CFAP95: variants seen among roughly 807,000 people sequenced by gnomAD.
CFAP95 encodes cilia- and flagella-associated protein 95.
the CFAP95 span, among the ~76,000 whole-genome samples, chr9:69,900,410 G>A: frequency 3.3e-5 from 5 of 152,208 alleles, no homozygotes; most frequent in Non-Finnish European, 5.9e-5. Context: ...AGGGTTTTAC[G>A]TGTGGTATTT....
At chr9:69,863,059 T>C in the CFAP95 span, among the ~76,000 whole-genome samples, 10 of 152,224 alleles carry the variant, frequency 6.6e-5, no homozygotes, top group Non-Finnish European at 1.5e-4. Flanking sequence ...GATGACACTA[T>C]AGTGATATCA....
chr9:69,832,025 T>G, the CFAP95 span, among the ~76,000 whole-genome samples: 1 of 152,182 alleles, frequency 6.6e-6, no homozygotes, highest in African/African-American at 2.4e-5. Context: ...ACACATTAAG[T>G]TTAGTTAGTT....
the CFAP95 span, among the ~76,000 whole-genome samples, chr9:69,870,249 A>G: frequency 6.6e-6 from 1 of 152,236 alleles, no homozygotes; most frequent in Non-Finnish European, 1.5e-5. Context: ...CACCGGGAAT[A>G]TAGAAAAAAA....
chr9:69,826,840 A>C, the CFAP95 span, among the ~76,000 whole-genome samples: 626 of 152,338 alleles, frequency 4.1e-3, 3 homozygotes, highest in Non-Finnish European at 3.9e-3. Flanking sequence ...ATGAGCAGGC[A>C]GAAAGAATAA....
chr9:69,879,479 C>CG, the CFAP95 span, among the ~76,000 whole-genome samples: 573 of 151,944 alleles, frequency 3.8e-3, 6 homozygotes, highest in African/African-American at 0.011. Flanking sequence ...TCAGGAGGTT[C>CG]GGGGGGAAAA....
chr9:69,844,561 G>T, the CFAP95 span: 1 of 1,613,018 alleles, frequency 6.2e-7, no homozygotes, highest in Non-Finnish European at 8.5e-7. Context: ...GATATAGAGG[G>T]TCCTGAGAAA....
the CFAP95 span, among the ~76,000 whole-genome samples, chr9:69,858,536 A>C: frequency 6.6e-6 from 1 of 152,176 alleles, no homozygotes; most frequent in South Asian, 2.1e-4. Flanking sequence ...TTTCAGAGAA[A>C]ACACATGTGT....
chr9:69,906,151 A>G, the CFAP95 span: 6 of 1,578,714 alleles, frequency 3.8e-6, no homozygotes, highest in Middle Eastern at 1.7e-4. Context: ...AATGTATAGA[A>G]TCAGCATCTC....
At chr9:69,893,998 G>A in the CFAP95 span, among the ~76,000 whole-genome samples, 1 of 152,146 alleles carries the variant, frequency 6.6e-6, no homozygotes, top group East Asian at 1.9e-4. Context: ...AATTGGAGAG[G>A]AGGGAAGGGT....
the CFAP95 span, among the ~76,000 whole-genome samples, chr9:69,862,771 C>T: frequency 0.23 from 35,330 of 152,130 alleles, 4,745 homozygotes; most frequent in Non-Finnish European, 0.29. Context: ...TACACAGAAA[C>T]GGCATTTGAC....
chr9:69,875,571 A>T, the CFAP95 span, among the ~76,000 whole-genome samples: 493 of 152,272 alleles, frequency 3.2e-3, 5 homozygotes, highest in African/African-American at 0.011. Flanking sequence ...GATACCCAAA[A>T]GCTGACCTGC....
At chr9:69,828,597 C>T in the CFAP95 span, among the ~76,000 whole-genome samples, 7 of 152,218 alleles carry the variant, frequency 4.6e-5, no homozygotes, top group South Asian at 2.1e-4. Context: ...GCGAGAGGAT[C>T]GCTGGAGCAT....
chr9:69,823,308 A>ACC, the CFAP95 span, among the ~76,000 whole-genome samples: 12 of 152,226 alleles, frequency 7.9e-5, no homozygotes, highest in Non-Finnish European at 1.8e-4. Context: ...CTCCCTTGAC[A>ACC]CATGGGGACT....
the CFAP95 span, chr9:69,886,687 C>T: frequency 5.1e-6 from 3 of 584,836 alleles, no homozygotes; most frequent in Admixed American, 9.0e-5. Context: ...ATACTATATA[C>T]AGAGGCTGGG....
chr9:69,857,886 A>G, the CFAP95 span: 1 of 1,607,344 alleles, frequency 6.2e-7, no homozygotes, highest in South Asian at 1.1e-5. Context: ...CAAGTTTTCT[A>G]AAAAAATGTT....
At chr9:69,851,259 C>T in the CFAP95 span, among the ~76,000 whole-genome samples, 1 of 152,090 alleles carries the variant, frequency 6.6e-6, no homozygotes, top group African/African-American at 2.4e-5. Flanking sequence ...ATATTTTTTG[C>T]CTCCACTGCC....
chr9:69,874,494 T>C, the CFAP95 span, among the ~76,000 whole-genome samples: 1 of 152,144 alleles, frequency 6.6e-6, no homozygotes, highest in Non-Finnish European at 1.5e-5. Flanking sequence ...AAAATTTTCT[T>C]GGGCAAAAAG....
chr9:69,857,876 C>T, the CFAP95 span: 1 of 1,600,976 alleles, frequency 6.2e-7, no homozygotes, highest in Non-Finnish European at 8.6e-7. Context: ...TACACTCTAA[C>T]AAGTTTTCTA....
chr9:69,832,110 C>T, the CFAP95 span, among the ~76,000 whole-genome samples: 4 of 152,044 alleles, frequency 2.6e-5, no homozygotes, highest in Non-Finnish European at 5.9e-5. Flanking sequence ...GGGAATTCCC[C>T]ACTCAGTATT....
Sources: allele counts gnomAD v4.1 joint callset (sites outside exome capture counted in the v4.1 genomes callset), GRCh38; gene constraint gnomAD v4.1.1; transcripts MANE v1.5; gene names NCBI Gene and HGNC (gene_info 2026-07-23, HGNC 2026-07-21).